The following CAST variants were observed in gnomAD, a reference collection of about 807,000 sequenced individuals.
CAST encodes MIR583 host.
In CAST, 76 loss-of-function variants were observed where a neutral mutation model predicts 119.6. The observed-to-expected ratio is 0.64, with a 90% CI of 0.53 to 0.77. The LOEUF (loss-of-function observed/expected upper bound fraction) is 0.77. Ranked by LOEUF, CAST falls within the 30% of genes least tolerant of loss-of-function variation. CAST has a pLI of 0.00. For synonymous variants in CAST, 319 were observed against 331.6 expected (o/e 0.96, Z 0.41); for missense variants, 953 against 946.5 (o/e 1.01, Z -0.09).
rs1179563022 is a variant in CAST, at chr5:96,741,251, T to C, written c.919-15T>C. The C allele has an allele frequency of 6.7e-7, 1 of 1,493,600 alleles. No individual in the cohort carries two copies. The highest frequency in any genetic ancestry group is 9.3e-7 in the Non-Finnish European group (1 of 1,072,452). 92.5% of individuals were successfully genotyped at this position (1,493,600 alleles called of 1,614,324 possible). ...GCTTCCCGTAAGTTACCCATCACTG[T>C]GCCTGTTTCTTTAGAAACCCATAGG... is the stretch of plus-strand genomic sequence containing the variant. On this transcript the variant is annotated splice_polypyrimidine_tract_variant and intron_variant, in intron 13 of 31. Coordinates refer to ENST00000675179, the MANE Select transcript of CAST (RefSeq NM_001750.7).
rs376943966 is a variant in CAST, at chr5:96,765,379, T to A, written c.2037+54T>A. On this transcript the variant is annotated intron_variant, in intron 26 of 31. Coordinates refer to ENST00000675179, the MANE Select transcript of CAST (RefSeq NM_001750.7). Reference sequence around the variant, plus strand: ...TTCACTAATAGTGAAATTTTAATCCTTGGGTCTTGACTCTGTCATTGTCAT... The same window carrying A: ...TTCACTAATAGTGAAATTTTAATCCATGGGTCTTGACTCTGTCATTGTCAT... 1.3e-4 allele frequency: 114 copies of A among 861,720 alleles called. 1 individual carries two copies. Among genetic ancestry groups the A allele is most frequent in the East Asian group, 1.2e-3 (46 of 37,952 alleles). The allele number at this position is 861,720 out of a possible 1,614,324, so 53.4% of individuals were successfully genotyped here. A position where few individuals can be genotyped will look rare whatever the true frequency, so the allele number is the denominator to read the frequency against.
the CAST span, among the ~76,000 whole-genome samples, chr5:96,280,084 C>T: frequency 6.6e-6 from 1 of 152,156 alleles, no homozygotes; most frequent in Non-Finnish European, 1.5e-5. Flanking sequence ...AAGCAATTTC[C>T]TTTCTGTCTC....
chr5:96,493,550 C>A, the CAST span, among the ~76,000 whole-genome samples: 1 of 152,150 alleles, frequency 6.6e-6, no homozygotes, highest in Non-Finnish European at 1.5e-5. Flanking sequence ...CAGTATGTAT[C>A]CCCACCAACC....
chr5:96,177,641 A>C, the CAST span, among the ~76,000 whole-genome samples: 5 of 152,238 alleles, frequency 3.3e-5, no homozygotes, highest in Non-Finnish European at 7.3e-5. Context: ...GCATCTAGTC[A>C]GCTCATACTT....
chr5:96,130,614 G>A, the CAST span, among the ~76,000 whole-genome samples: 1 of 151,910 alleles, frequency 6.6e-6, no homozygotes, highest in East Asian at 1.9e-4. Context: ...CTAAAGCTGT[G>A]TTAAAATTAC....
At chr5:96,612,669 TC>T (rs1747385659) in intron 1 of CAST, among the ~76,000 whole-genome samples, 1 of 152,206 alleles carries the variant, frequency 6.6e-6, no homozygotes, top group Admixed American at 6.5e-5. Flanking sequence ...ATATATCAAA[TC>T]TTTTACTTTA....
At chr5:96,097,763 G>A in the CAST span, among the ~76,000 whole-genome samples, 1 of 152,016 alleles carries the variant, frequency 6.6e-6, no homozygotes, top group Non-Finnish European at 1.5e-5. Context: ...CCATGTTTTT[G>A]CTCTTGCAAA....
chr5:96,172,757 T>C, the CAST span, among the ~76,000 whole-genome samples: 5 of 152,370 alleles, frequency 3.3e-5, no homozygotes, highest in East Asian at 9.6e-4. Context: ...TAGGATATCA[T>C]GTAGTTTATA....
chr5:96,357,663 G>C, the CAST span, among the ~76,000 whole-genome samples: 3 of 152,196 alleles, frequency 2.0e-5, no homozygotes, highest in Non-Finnish European at 4.4e-5. Flanking sequence ...AAGCAGCCTT[G>C]CATCCCAGGG....
the CAST span, among the ~76,000 whole-genome samples, chr5:96,199,662 C>A: frequency 6.6e-6 from 1 of 151,984 alleles, no homozygotes. Context: ...ATTAGGATGA[C>A]TTTGAATATT....
At chr5:96,190,058 G>A in the CAST span, among the ~76,000 whole-genome samples, 1 of 152,010 alleles carries the variant, frequency 6.6e-6, no homozygotes, top group African/African-American at 2.4e-5. Context: ...ATTTTTCTTG[G>A]CTGCTTGATA....
At chr5:96,364,744 A>G in the CAST span, among the ~76,000 whole-genome samples, 4 of 152,170 alleles carry the variant, frequency 2.6e-5, no homozygotes, top group African/African-American at 9.6e-5. Context: ...CTGCAGGTCT[A>G]TCAATTTTGT....
chr5:96,368,039 A>T, the CAST span, among the ~76,000 whole-genome samples: 3 of 152,194 alleles, frequency 2.0e-5, no homozygotes, highest in African/African-American at 7.2e-5. Context: ...TGATTATATA[A>T]GTATCCAACA....
intron 1 of CAST, among the ~76,000 whole-genome samples, chr5:96,542,101 G>C (rs975327698): frequency 4.6e-5 from 7 of 152,116 alleles, no homozygotes; most frequent in African/African-American, 9.7e-5. Context: ...ACGAGGTCAG[G>C]AGATCGAGAC....
chr5:96,025,624 G>A, the CAST span, among the ~76,000 whole-genome samples: 1 of 152,160 alleles, frequency 6.6e-6, no homozygotes, highest in Non-Finnish European at 1.5e-5. Context: ...TTTCCATGGA[G>A]GGAGGCACAC....
At chr5:96,259,610 C>T in the CAST span, among the ~76,000 whole-genome samples, 1 of 152,190 alleles carries the variant, frequency 6.6e-6, no homozygotes, top group East Asian at 1.9e-4. Context: ...CACAGTGAGC[C>T]CTGTTCTTCC....
chr5:96,170,190 C>T, the CAST span, among the ~76,000 whole-genome samples: 1 of 152,194 alleles, frequency 6.6e-6, no homozygotes, highest in Non-Finnish European at 1.5e-5. Flanking sequence ...AGGAGTCAGT[C>T]AGAGAGCCTT....
chr5:96,630,511 G>T (rs1401561627), intron 1 of CAST, among the ~76,000 whole-genome samples: 1 of 152,170 alleles, frequency 6.6e-6, no homozygotes, highest in Non-Finnish European at 1.5e-5. Flanking sequence ...TTGAGGCCAG[G>T]TGCGGTGGCT....
At chr5:96,179,805 G>A in the CAST span, among the ~76,000 whole-genome samples, 1 of 152,176 alleles carries the variant, frequency 6.6e-6, no homozygotes, top group Non-Finnish European at 1.5e-5. Flanking sequence ...GGGAGGCCGA[G>A]GCGGGTGGAT....
Sources: allele counts gnomAD v4.1 joint callset (sites outside exome capture counted in the v4.1 genomes callset), GRCh38; gene constraint gnomAD v4.1.1; transcripts MANE v1.5; gene names NCBI Gene and HGNC (gene_info 2026-07-23, HGNC 2026-07-21).